Variants in PPP1R1C observed in about 807,000 individuals in gnomAD.
PPP1R1C encodes the protein protein phosphatase 1 regulatory inhibitor subunit 1C.
A neutral mutation model predicts 17.4 loss-of-function variants in PPP1R1C; 15 were observed. The observed-to-expected ratio is 0.86, with a 90% CI of 0.58 to 1.33. The LOEUF (loss-of-function observed/expected upper bound fraction) is 1.33. Among genes scored for constraint, PPP1R1C ranks in the 40% most tolerant of loss-of-function variants. The pLI, the probability that PPP1R1C is intolerant of heterozygous loss-of-function variation, is 0.00. For synonymous variants in PPP1R1C, 35 were observed against 43.1 expected (o/e 0.81, Z 0.73); for missense variants, 143 against 130.0 (o/e 1.10, Z -0.48).
downstream of PPP1R1C, chr2:182,131,365 AAAG>A (rs1336447528): frequency 1.3e-5 from 2 of 152,192 alleles, no homozygotes; most frequent in East Asian, 1.9e-4. Context: ...TGGAAATAAA[AAAG>A]AAGGTTTCTA....
At chr2:182,031,333 C>T (rs1264996271) in intron 2 of PPP1R1C, among the ~76,000 whole-genome samples, 3 of 152,234 alleles carry the variant, frequency 2.0e-5, no homozygotes, top group Non-Finnish European at 4.4e-5. Flanking sequence ...TATTGAGTGG[C>T]TTTCTTCACT....
intron 2 of PPP1R1C, among the ~76,000 whole-genome samples, chr2:181,978,601 C>T (rs1363254288): frequency 2.6e-5 from 4 of 152,138 alleles, no homozygotes; most frequent in Non-Finnish European, 4.4e-5. Context: ...AGTGCAGTGG[C>T]TGTTTTCTGA....
At chr2:182,097,830 T>TTTATAATA (rs1331464645) in intron 4 of PPP1R1C, among the ~76,000 whole-genome samples, 5 of 152,188 alleles carry the variant, frequency 3.3e-5, no homozygotes, top group South Asian at 4.1e-4. Flanking sequence ...ACATGAGCAA[T>TTTATAATA]TTATAATATA....
At chr2:182,074,434 A>C (rs547287272) in intron 4 of PPP1R1C, among the ~76,000 whole-genome samples, 1 of 152,178 alleles carries the variant, frequency 6.6e-6, no homozygotes, top group African/African-American at 2.4e-5. Flanking sequence ...GTTAGCACCA[A>C]TCTTTCTTTT....
At chr2:182,100,867 T>A (rs1297810684) in intron 4 of PPP1R1C, among the ~76,000 whole-genome samples, 1 of 152,164 alleles carries the variant, frequency 6.6e-6, no homozygotes, top group Non-Finnish European at 1.5e-5. Context: ...AGCAAGATCA[T>A]GGAGGAAGGA....
chr2:181,969,201 A>G (rs548411366), intron 1 of PPP1R1C, among the ~76,000 whole-genome samples: 1 of 152,192 alleles, frequency 6.6e-6, no homozygotes, highest in Non-Finnish European at 1.5e-5. Context: ...TGAGTTTTAT[A>G]CCTTCAGATA....
rs10930983 is a variant in PPP1R1C, at chr2:181,958,503, C to T, written n.111+3869C>T. 8.7e-3 allele frequency among the ~76,000 whole-genome samples: 1,319 copies of T among 152,322 alleles called. 10 individuals are homozygous for T. Among genetic ancestry groups the T allele is most frequent in the African/African-American group, 0.03 (1,242 of 41,562 alleles). ...GTGGATGAAGCACCATCTGTATATA[C>T]TGCAATGGCATGAACTTAAGAGGGA... is the stretch of plus-strand genomic sequence containing the variant. On this transcript the variant is annotated intron_variant and non_coding_transcript_variant, in intron 1 of 5. Transcript: ENST00000464264.
Position 181,962,056 on chromosome 2 carries a change from G to A in PPP1R1C, n.111+7422G>A, listed in dbSNP as rs1684808393. 3 of 722,996 alleles carry A rather than the reference G, an allele frequency of 4.1e-6. No homozygotes were observed. Among genetic ancestry groups the A allele is most frequent in the East Asian group, 2.7e-5 (1 of 36,600 alleles). The allele number at this position is 722,996 out of a possible 1,614,324, so 44.8% of individuals were successfully genotyped here. A position where few individuals can be genotyped will look rare whatever the true frequency, so the allele number is the denominator to read the frequency against. On this transcript the variant is annotated intron_variant and non_coding_transcript_variant, in intron 1 of 5. Coordinates refer to the PPP1R1C transcript ENST00000464264. The surrounding 1 kb of genome is among the most constrained non-coding windows in gnomAD (Gnocchi z 6.0). ...TGCCGGCATTGTCCACAGTATTTGC[G>A]AAGATCTGAACCCTCAGGTCCTCGA...
chr2:182,103,988 A>G (rs543594282), intron 4 of PPP1R1C, among the ~76,000 whole-genome samples: 31 of 152,328 alleles, frequency 2.0e-4, no homozygotes, highest in African/African-American at 6.7e-4. Context: ...CTTACTTGTA[A>G]AAGCCATGGA....
At chr2:181,970,197 A>G (rs868298548) in intron 1 of PPP1R1C, among the ~76,000 whole-genome samples, 33 of 146,576 alleles carry the variant, frequency 2.3e-4, no homozygotes, top group South Asian at 2.1e-4. Flanking sequence ...GTGGTTGTTT[A>G]TTGGTGTCTG....
At chr2:181,986,811 C>T (rs1358840805) in intron 1 of PPP1R1C, among the ~76,000 whole-genome samples, 1 of 152,136 alleles carries the variant, frequency 6.6e-6, no homozygotes. Flanking sequence ...ATCTGTATCA[C>T]CTTTCATATT....
chr2:182,084,027 AT>A (rs1041549057), intron 4 of PPP1R1C, among the ~76,000 whole-genome samples: 15 of 152,270 alleles, frequency 9.9e-5, no homozygotes, highest in African/African-American at 3.1e-4. Context: ...GATGTTGAAC[AT>A]TTTAAAATGT....
intron 5 of PPP1R1C, among the ~76,000 whole-genome samples, chr2:182,125,212 T>C (rs1689846028): frequency 6.6e-6 from 1 of 152,136 alleles, no homozygotes; most frequent in African/African-American, 2.4e-5. Flanking sequence ...TATTGATTTG[T>C]GTATGTTGAA....
Position 182,033,106 on chromosome 2 carries a change from C to A in PPP1R1C, c.143-28336C>A, listed in dbSNP as rs1401077337. On this transcript the variant is annotated intron_variant, in intron 2 of 4. Transcript: ENST00000682840. ...GTAATCATTTTTAAAGTCCTTGATC[C>A]CTCTCTACTACTTAACATTGTTAGC... Among the ~76,000 whole-genome samples, 3 of 151,934 alleles carry A rather than the reference C, an allele frequency of 2.0e-5. No homozygotes were observed. In the East Asian group the frequency reaches 5.8e-4, roughly 29 times the overall value.
chr2:181,991,528 G>A (rs1380653145), intron 2 of PPP1R1C, among the ~76,000 whole-genome samples: 1 of 152,142 alleles, frequency 6.6e-6, no homozygotes, highest in Non-Finnish European at 1.5e-5. Context: ...TAACAGAGGT[G>A]TGTCTTTAGG....
At chr2:182,015,715 G>T (rs1686244628) in intron 2 of PPP1R1C, among the ~76,000 whole-genome samples, 1 of 152,170 alleles carries the variant, frequency 6.6e-6, no homozygotes, top group African/African-American at 2.4e-5. Flanking sequence ...CCAGGAGCTA[G>T]GGCCTGGAAT....
At chr2:182,038,834 T>A (rs1687094426) in intron 2 of PPP1R1C, among the ~76,000 whole-genome samples, 1 of 152,196 alleles carries the variant, frequency 6.6e-6, no homozygotes, top group Non-Finnish European at 1.5e-5. Context: ...AGTCATCAAC[T>A]GCTATAAGTA....
chr2:182,107,181 CT>C (rs1435470454), intron 4 of PPP1R1C, among the ~76,000 whole-genome samples: 1 of 152,186 alleles, frequency 6.6e-6, no homozygotes, highest in Non-Finnish European at 1.5e-5. Context: ...TTGCCAGAAA[CT>C]TTGGTAATCT....
At chr2:182,082,365 G>A (rs901091225) in intron 4 of PPP1R1C, among the ~76,000 whole-genome samples, 7 of 152,164 alleles carry the variant, frequency 4.6e-5, no homozygotes, top group African/African-American at 1.7e-4. Context: ...TGGTTTTCAA[G>A]CAGGTTTCAA....
Sources: gnomAD v4.1 joint callset for allele counts (sites outside exome capture counted in the v4.1 genomes callset) on GRCh38, gnomAD v4.1.1 for gene constraint, Gnocchi (gnomAD v3.1) non-coding constraint, MANE v1.5 for transcripts, NCBI Gene and HGNC (gene_info 2026-07-23, HGNC 2026-07-21) for gene names.